Variants in IGSF11 observed in about 807,000 individuals in gnomAD.
The protein encoded by IGSF11 is immunoglobulin superfamily member 11.
A neutral mutation model predicts 41.0 loss-of-function variants in IGSF11; 22 were observed. The ratio of observed to expected loss-of-function variants is 0.54; its 90% CI spans 0.38 to 0.77. IGSF11 has a LOEUF of 0.77. Among genes scored for constraint, IGSF11 ranks in the 30% least tolerant of loss-of-function variants. The pLI, the probability that IGSF11 is intolerant of heterozygous loss-of-function variation, is 0.00. For synonymous variants in IGSF11, 219 were observed against 201.3 expected (o/e 1.09, Z -0.74); for missense variants, 444 against 530.8 (o/e 0.84, Z 1.61).
At chr3:119,034,971 C>G (rs1940813986), upstream of IGSF11, 4 of 421,284 alleles carry the variant, frequency 9.5e-6, no homozygotes, top group Non-Finnish European at 6.5e-6. Flanking sequence ...AACCGCGGCT[C>G]CAGCGCGACG....
At chr3:119,021,742 C>A (rs1939309757) in intron 1 of IGSF11, among the ~76,000 whole-genome samples, 1 of 151,752 alleles carries the variant, frequency 6.6e-6, no homozygotes, top group South Asian at 2.1e-4. Flanking sequence ...ACAGAAGATA[C>A]CAGGAAATAT....
At chr3:119,005,063 T>C (rs1049057428) in intron 1 of IGSF11, among the ~76,000 whole-genome samples, 16 of 148,560 alleles carry the variant, frequency 1.1e-4, no homozygotes, top group African/African-American at 3.6e-4. Context: ...GACAGTGGGG[T>C]GTTAAAGTCT....
At chr3:119,042,410 T>C (rs191800034) in intron 1 of IGSF11, among the ~76,000 whole-genome samples, 233 of 152,348 alleles carry the variant, frequency 1.5e-3, no homozygotes, top group African/African-American at 5.5e-3. Flanking sequence ...TGACTGGATA[T>C]AAACTCAATA....
intron 1 of IGSF11, among the ~76,000 whole-genome samples, chr3:118,961,412 AG>A (rs916677793): frequency 2.6e-5 from 4 of 152,206 alleles, no homozygotes; most frequent in Non-Finnish European, 5.9e-5. Context: ...TAATACACAA[AG>A]GGGCAATTTT....
In IGSF11 at chr3:119,031,004, C is replaced by A. The variant is rs908856468; in HGVS notation, c.52+3527G>T. Among the ~76,000 whole-genome samples, 8 of 152,130 alleles carry A rather than the reference C, an allele frequency of 5.3e-5. No individual in the cohort carries two copies. The East Asian group carries it at 1.5e-3, about 29-fold the overall frequency. On this transcript the variant is annotated intron_variant, in intron 1 of 6. Coordinates refer to ENST00000393775, the MANE Select transcript of IGSF11 (RefSeq NM_001015887.3). ...AGGCACGGTGGCTCAGGCCTGTAATCCCAGCACTTTGGGAGACTGGGGTGA... is the reference window on the plus strand; with the variant it reads ...AGGCACGGTGGCTCAGGCCTGTAATACCAGCACTTTGGGAGACTGGGGTGA...
intron 1 of IGSF11, among the ~76,000 whole-genome samples, chr3:119,019,063 A>T (rs1353257058): frequency 6.6e-6 from 1 of 152,200 alleles, no homozygotes; most frequent in Non-Finnish European, 1.5e-5. Context: ...GGGTTTTCTT[A>T]AAAGAAAGTA....
At chr3:119,141,272 C>T (rs1443671587) in intron 1 of IGSF11, among the ~76,000 whole-genome samples, 3 of 151,378 alleles carry the variant, frequency 2.0e-5, no homozygotes, top group African/African-American at 2.4e-5. Flanking sequence ...GAAAGCAATG[C>T]TTAGAGGAAA....
intron 1 of IGSF11, among the ~76,000 whole-genome samples, chr3:118,954,305 T>G (rs1051722720): frequency 6.6e-6 from 1 of 152,214 alleles, no homozygotes; most frequent in Non-Finnish European, 1.5e-5. Flanking sequence ...TTGGTGACTA[T>G]GGCCTTATAG....
chr3:119,011,560 G>A (rs1228297274), intron 1 of IGSF11, among the ~76,000 whole-genome samples: 2 of 152,052 alleles, frequency 1.3e-5, no homozygotes, highest in African/African-American at 4.8e-5. Context: ...GGCAACATAG[G>A]CTACCAGAGA....
At chr3:119,072,848 G>A (rs558953786) in intron 1 of IGSF11, among the ~76,000 whole-genome samples, 3 of 152,318 alleles carry the variant, frequency 2.0e-5, no homozygotes, top group South Asian at 2.1e-4. Flanking sequence ...GGCAGGGGCA[G>A]CCTGCTTTTA....
Position 118,923,431 on chromosome 3 carries a change from G to A in IGSF11, c.580+2670C>T, listed in dbSNP as rs374846547. 5.3e-5 allele frequency among the ~76,000 whole-genome samples: 8 copies of A among 152,128 alleles called. No individual in the cohort carries two copies. The East Asian group carries it at 9.6e-4, about 18-fold the overall frequency. ...CACATTTTATGTAATGACAGTACACGTATCAAAGTCGAGAAATTTAACTCT... is the reference window on the plus strand; with the variant it reads ...CACATTTTATGTAATGACAGTACACATATCAAAGTCGAGAAATTTAACTCT... On this transcript the variant is annotated intron_variant, in intron 4 of 6. Coordinates refer to ENST00000393775, the MANE Select transcript of IGSF11 (RefSeq NM_001015887.3).
Position 118,902,482 on chromosome 3 carries a change from C to T in IGSF11, c.*38G>A. ...ACCCTCCCCCTTGTATGAGGGCATTCCATTTATTCATTTCTGAACACAACA... is the reference window on the plus strand; with the variant it reads ...ACCCTCCCCCTTGTATGAGGGCATTTCATTTATTCATTTCTGAACACAACA... On this transcript the variant is annotated 3_prime_UTR_variant, in exon 7 of 7. Transcript: ENST00000393775. 26 of 537,492 alleles carry T rather than the reference C, an allele frequency of 4.8e-5. No homozygotes were observed. The highest frequency in any genetic ancestry group is 6.6e-5 in the Non-Finnish European group (20 of 301,372). The allele number at this position is 537,492 out of a possible 1,614,324, so 33.3% of individuals were successfully genotyped here.
At chr3:118,944,446 T>A (rs1943954672) in intron 1 of IGSF11, among the ~76,000 whole-genome samples, 1 of 141,658 alleles carries the variant, frequency 7.1e-6, no homozygotes. Flanking sequence ...GTCTATTGCC[T>A]TAGCTTGAAA....
intron 1 of IGSF11, among the ~76,000 whole-genome samples, chr3:119,120,603 T>G (rs570748125): frequency 6.6e-6 from 1 of 152,202 alleles, no homozygotes; most frequent in Non-Finnish European, 1.5e-5. Flanking sequence ...GGGGATCAGT[T>G]TGACCAGGTG....
intron 1 of IGSF11, among the ~76,000 whole-genome samples, chr3:119,000,095 G>A (rs1936668889): frequency 8.6e-6 from 1 of 116,954 alleles, no homozygotes; most frequent in Non-Finnish European, 1.7e-5. Flanking sequence ...TGGTGGTGTA[G>A]TGCAACCCAT....
chr3:118,920,257 T>TTA (rs1553750923), intron 4 of IGSF11, among the ~76,000 whole-genome samples: 1 of 137,340 alleles, frequency 7.3e-6, no homozygotes, highest in Non-Finnish European at 1.6e-5. Context: ...ACTTAAAGTA[T>TTA]AAAAAAAAAA....
At chr3:118,911,856 C>CTTGTAACA (rs1424777279) in intron 4 of IGSF11, among the ~76,000 whole-genome samples, 1 of 152,002 alleles carries the variant, frequency 6.6e-6, no homozygotes, top group African/African-American at 2.4e-5. Context: ...AGTCTTCTCC[C>CTTGTAACA]TTGTAACATG....
chr3:118,979,204 G>T (rs1272929665), intron 1 of IGSF11, among the ~76,000 whole-genome samples: 1 of 152,108 alleles, frequency 6.6e-6, no homozygotes, highest in Non-Finnish European at 1.5e-5. Flanking sequence ...GTGAAGACAG[G>T]TCTTTTAAAA....
chr3:118,933,655 G>A (rs1423951094), intron 1 of IGSF11, among the ~76,000 whole-genome samples: 4 of 152,082 alleles, frequency 2.6e-5, no homozygotes, highest in Non-Finnish European at 4.4e-5. Context: ...TCAAACCCAG[G>A]CGGTTAGTCT....
Sources: gnomAD v4.1 joint callset for allele counts (sites outside exome capture counted in the v4.1 genomes callset) on GRCh38, gnomAD v4.1.1 for gene constraint, MANE v1.5 for transcripts, NCBI Gene and HGNC (gene_info 2026-07-23, HGNC 2026-07-21) for gene names.